The following MGLL variants were observed in gnomAD, a reference collection of about 807,000 sequenced individuals.
The protein encoded by MGLL is lysophospholipase homolog.
MGLL carries 7 observed loss-of-function variants against 29.1 expected under a neutral mutation model. The ratio of observed to expected loss-of-function variants is 0.24; its 90% CI spans 0.14 to 0.45. The LOEUF is 0.45. Ranked by LOEUF, MGLL falls within the 20% of genes least tolerant of loss-of-function variation. The pLI, the probability that MGLL is intolerant of heterozygous loss-of-function variation, is 0.99. For synonymous variants in MGLL, 148 were observed against 168.3 expected (o/e 0.88, Z 0.93); for missense variants, 356 against 413.6 (o/e 0.86, Z 1.21).
chr3:127,710,768 C>G lies in MGLL; in HGVS notation c.511-103G>C, dbSNP rs1219197963. On this transcript the variant is annotated intron_variant, in intron 5 of 7. Transcript: ENST00000265052. ...TACATTAAGGAGAGTGATGCCCAAA[C>G]TGAACATCAGCCAGGTTCGTCTCCC... The G allele has an allele frequency of 3.7e-6, 4 of 1,066,884 alleles. No individual in the cohort carries two copies. In the African/African-American group the frequency reaches 6.3e-5, roughly 17 times the overall value. The allele number at this position is 1,066,884 out of a possible 1,614,324, so 66.1% of individuals were successfully genotyped here. A position where few individuals can be genotyped will look rare whatever the true frequency, so the allele number is the denominator to read the frequency against.
intron 2 of MGLL, among the ~76,000 whole-genome samples, chr3:127,813,201 T>C (rs930686298): frequency 6.6e-6 from 1 of 152,052 alleles, no homozygotes; most frequent in Non-Finnish European, 1.5e-5. Flanking sequence ...CTTCCCTCCT[T>C]TTTGTTTGGG....
intron 3 of MGLL, among the ~76,000 whole-genome samples, chr3:127,772,753 G>A (rs1296472415): frequency 6.6e-6 from 1 of 152,204 alleles, no homozygotes; most frequent in Non-Finnish European, 1.5e-5. Flanking sequence ...AAAGGTGATG[G>A]TGTTGGGAGG....
At chr3:127,735,838 C>G in intron 3 of MGLL, 5 of 1,597,850 alleles carry the variant, frequency 3.1e-6, no homozygotes, top group Non-Finnish European at 4.2e-6. Context: ...AGGGGAAGAT[C>G]CTTCTGAATC....
At chr3:127,815,426 T>C (rs529759287) in intron 2 of MGLL, among the ~76,000 whole-genome samples, 2 of 152,370 alleles carry the variant, frequency 1.3e-5, no homozygotes, top group East Asian at 3.9e-4. Context: ...CTTCTCCCTC[T>C]GCTGCCCATG....
intron 2 of MGLL, among the ~76,000 whole-genome samples, chr3:127,784,169 G>T (rs2077175864): frequency 6.6e-6 from 1 of 152,192 alleles, no homozygotes; most frequent in African/African-American, 2.4e-5. Flanking sequence ...AAAAACAAGT[G>T]GTCTCTTACT....
Position 127,821,732 on chromosome 3 carries a change from G to A in MGLL, c.117C>T (p.Tyr39=), listed in dbSNP as rs774016403. Residue 39 remains tyrosine (Y), a synonymous_variant, in exon 2 of 8, where the codon TAC becomes TAT. Transcript: ENST00000265052. ...TGGGTTTCCAGTACCTGCAGAAGAG[G>A]TACTGTCCGTCTGCATTGACCAGGT... ...LPHLVNADGQ[Y]LFCRYWKPTG... 4.3e-6 allele frequency: 7 copies of A among 1,614,028 alleles called. No homozygotes were observed. In the South Asian group the frequency reaches 7.7e-5, roughly 18 times the overall value.
chr3:127,740,504 C>T (rs937690732), intron 3 of MGLL, among the ~76,000 whole-genome samples: 23 of 152,188 alleles, frequency 1.5e-4, no homozygotes, highest in Non-Finnish European at 1.9e-4. Context: ...CCCAGGTCGC[C>T]GTTTGCTGGC....
chr3:127,707,206 G>C (rs2075620707), intron 6 of MGLL, among the ~76,000 whole-genome samples: 1 of 152,174 alleles, frequency 6.6e-6, no homozygotes, highest in South Asian at 2.1e-4. Flanking sequence ...AGCAGCTGAG[G>C]TTCCTAGCAC....
chr3:127,705,972 C>T (rs1411080858), intron 6 of MGLL, among the ~76,000 whole-genome samples: 1 of 152,180 alleles, frequency 6.6e-6, no homozygotes, highest in Non-Finnish European at 1.5e-5. Flanking sequence ...TGTAGGGACA[C>T]TGGAACCCTT....
At chr3:127,745,851 C>A (rs1057478894) in intron 3 of MGLL, among the ~76,000 whole-genome samples, 1 of 152,102 alleles carries the variant, frequency 6.6e-6, no homozygotes, top group Non-Finnish European at 1.5e-5. Flanking sequence ...AGCTGCCATC[C>A]CTGCAAGTGG....
intron 3 of MGLL, among the ~76,000 whole-genome samples, chr3:127,741,472 G>A (rs1036655324): frequency 6.6e-6 from 1 of 152,238 alleles, no homozygotes; most frequent in Non-Finnish European, 1.5e-5. Flanking sequence ...AAAGCCGCCT[G>A]GTGTGGGCTT....
chr3:127,716,862 G>T (rs2075826179), intron 5 of MGLL, among the ~76,000 whole-genome samples: 1 of 152,210 alleles, frequency 6.6e-6, no homozygotes, highest in Non-Finnish European at 1.5e-5. Context: ...CCTCAGGGTT[G>T]CCCCAGATTT....
chr3:127,736,345 G>A, intron 3 of MGLL: 2 of 986,004 alleles, frequency 2.0e-6, no homozygotes, highest in Non-Finnish European at 2.4e-6. Context: ...AAAAACAGCT[G>A]AAGTCAGGAT....
At position 127,794,549 on chromosome 3, in the gene MGLL, G is replaced by A. The variant is rs145061288; in HGVS notation, c.156-12654C>T. Among the ~76,000 whole-genome samples, 89 of 141,018 alleles carry A rather than the reference G, an allele frequency of 6.3e-4. 1 individual carries two copies. The highest frequency in any genetic ancestry group is 2.2e-3 in the Admixed American group (31 of 14,294). The allele number at this position is 141,018 out of a possible 152,430, so 92.5% of individuals were successfully genotyped here. On this transcript the variant is annotated intron_variant, in intron 2 of 7. Transcript: ENST00000265052. The stretch of plus-strand genomic sequence containing the variant: ...GTAAGACTGTCTTCTGTGATGTAAG[G>A]CTGTCTTCTGTGATGTAAGGCTGTC...
At chr3:127,739,859 C>A (rs1274933619) in intron 3 of MGLL, among the ~76,000 whole-genome samples, 1 of 152,210 alleles carries the variant, frequency 6.6e-6, no homozygotes. Flanking sequence ...ATGCAGCCAG[C>A]CCCCAGTGCA....
chr3:127,695,156 C>T lies in MGLL; in HGVS notation c.635G>A (p.Arg212Gln), dbSNP rs1804711. The T allele has an allele frequency of 1.1e-5, 17 of 1,614,002 alleles. No individual in the cohort carries two copies. The highest frequency in any genetic ancestry group is 2.7e-5 in the African/African-American group (2 of 74,928). Residue 212 changes from arginine to glutamine, a missense_variant, in exon 7 of 8, where the codon CGG becomes CAG. Coordinates refer to ENST00000265052, the MANE Select transcript of MGLL (RefSeq NM_007283.7). ...GCCGAAGCACACCTTCAGCCCTGCC[C>T]GGCAGATCAGGGGGTCTGAGTTATA... ...DIYNSDPLIC[R>Q]AGLKVCFGIQ... is the part of the protein sequence containing the mutation.
intron 3 of MGLL, among the ~76,000 whole-genome samples, chr3:127,752,026 G>T (rs1005123175): frequency 6.6e-6 from 1 of 151,790 alleles, no homozygotes; most frequent in South Asian, 2.1e-4. Context: ...ATTCCCTCAG[G>T]TGACCAATCC....
intron 3 of MGLL, among the ~76,000 whole-genome samples, chr3:127,747,233 G>T (rs550565155): frequency 2.6e-5 from 4 of 152,140 alleles, no homozygotes; most frequent in Non-Finnish European, 5.9e-5. Context: ...CCTCCAGGCA[G>T]CAACCACTCA....
At chr3:127,771,748 C>T (rs764244390) in intron 3 of MGLL, among the ~76,000 whole-genome samples, 1 of 152,224 alleles carries the variant, frequency 6.6e-6, no homozygotes, top group Non-Finnish European at 1.5e-5. Flanking sequence ...TAGTGCCACA[C>T]TTACCATCTG....
Sources: allele counts gnomAD v4.1 joint callset (sites outside exome capture counted in the v4.1 genomes callset), GRCh38; gene constraint gnomAD v4.1.1; transcripts MANE v1.5; gene names NCBI Gene and HGNC (gene_info 2026-07-23, HGNC 2026-07-21).